MMD: variants seen among roughly 807,000 people sequenced by gnomAD.
MMD encodes monocyte to macrophage differentiation factor.
MMD carries 22 observed loss-of-function variants against 33.6 expected under a neutral mutation model. That is an observed-to-expected ratio of 0.66 (90% CI 0.47 to 0.94). MMD has a LOEUF of 0.94. Among genes scored for constraint, MMD ranks in the 40% least tolerant of loss-of-function variants. The pLI, the probability that MMD is intolerant of heterozygous loss-of-function variation, is 0.00. For synonymous variants in MMD, 97 were observed against 103.2 expected (o/e 0.94, Z 0.36); for missense variants, 242 against 309.8 (o/e 0.78, Z 1.64).
chr17:55,394,868 G>A (rs1167693943), intron 6 of MMD, among the ~76,000 whole-genome samples: 1 of 152,206 alleles, frequency 6.6e-6, no homozygotes, highest in Non-Finnish European at 1.5e-5. Flanking sequence ...GCAATCCTCT[G>A]TTCTCATCTT....
chr17:55,414,556 T>TCACACACACACA lies in MMD; in HGVS notation c.27-336_27-325dup, dbSNP rs58103743. ...TTCAACTGGAACCCTCCTCCTCCAT[T>TCACACACACACA]CACACACACACACACACACACACAC... is the stretch of plus-strand genomic sequence containing the variant. On this transcript the variant is annotated intron_variant, in intron 1 of 6. Coordinates refer to ENST00000262065, the MANE Select transcript of MMD (RefSeq NM_012329.3). 3.2e-3 allele frequency among the ~76,000 whole-genome samples: 397 copies of TCACACACACACA among 122,948 alleles called. 2 individuals carry two copies. Among genetic ancestry groups the TCACACACACACA allele is most frequent in the African/African-American group, 0.012 (366 of 31,800 alleles). The allele number at this position is 122,948 out of a possible 152,430, so 80.7% of individuals were successfully genotyped here.
Position 55,414,153 on chromosome 17 carries a change from CGTGT to C in MMD, c.102_105del (p.Ala36SerfsTer24). ...AATGGTGGAAAACTTGTACTCACTG[CGTGT>C]GTGTAACAGTTAGCAGCATGTTCAT... On this transcript the variant is annotated frameshift_variant, in exon 2 of 7. Transcript: ENST00000262065. LOFTEE classifies it high-confidence loss of function. The C allele has an allele frequency of 6.2e-7, 1 of 1,613,608 alleles. No homozygotes were observed. Among genetic ancestry groups the C allele is most frequent in the Non-Finnish European group, 8.5e-7 (1 of 1,179,614 alleles).
At chr17:55,405,967 G>T (rs1282101249) in intron 4 of MMD, among the ~76,000 whole-genome samples, 1 of 152,156 alleles carries the variant, frequency 6.6e-6, no homozygotes, top group Non-Finnish European at 1.5e-5. Flanking sequence ...GCACCAAAAA[G>T]GCAGAAAGAT....
At chr17:55,395,539 G>A (rs559249708) in intron 6 of MMD, among the ~76,000 whole-genome samples, 1 of 152,182 alleles carries the variant, frequency 6.6e-6, no homozygotes, top group Non-Finnish European at 1.5e-5. Flanking sequence ...GGGCCCCAAG[G>A]CCCTCGGCTA....
At chr17:55,407,540 G>GATATTATA (rs1907602528) in intron 4 of MMD, among the ~76,000 whole-genome samples, 1 of 151,998 alleles carries the variant, frequency 6.6e-6, no homozygotes, top group African/African-American at 2.4e-5. Context: ...ATTATAAACA[G>GATATTATA]CAGCAATATT....
At chr17:55,396,275 C>T (rs540035374) in intron 6 of MMD, among the ~76,000 whole-genome samples, 3 of 152,170 alleles carry the variant, frequency 2.0e-5, no homozygotes, top group African/African-American at 7.2e-5. Flanking sequence ...TTCATTTAAT[C>T]TTCACAACGA....
In MMD at chr17:55,414,352, G is replaced by GT. The variant is rs566304317; in HGVS notation, c.27-121dup. ...AAGAAGTGACTGGTGGAAATACCCA[G>GT]TTGCGGTAATAAAGCCAAAGCCACT... On this transcript the variant is annotated intron_variant, in intron 1 of 6. Coordinates refer to ENST00000262065, the MANE Select transcript of MMD (RefSeq NM_012329.3). 4.3e-4 allele frequency: 391 copies of GT among 908,462 alleles called. 1 individual carries two copies. The South Asian group carries it at 5.4e-3, about 13-fold the overall frequency. 56.3% of individuals were successfully genotyped at this position (908,462 alleles called of 1,614,324 possible).
intron 4 of MMD, among the ~76,000 whole-genome samples, chr17:55,407,050 C>A (rs1343669033): frequency 6.6e-6 from 1 of 151,192 alleles, no homozygotes; most frequent in Non-Finnish European, 1.5e-5. Flanking sequence ...AAAAATAGGC[C>A]GGGCACGGTG....
rs768469980 is a variant in MMD at position 55,412,444 on chromosome 17, TC to T, written c.109-1028del. The stretch of plus-strand genomic sequence containing the variant: ...TTGCTTTCTGCATCATATTTCATAG[TC>T]CACATGGTCACAAACTTTAATGTCT... On this transcript the variant is annotated intron_variant, in intron 2 of 6. Coordinates refer to ENST00000262065, the MANE Select transcript of MMD (RefSeq NM_012329.3). Among the ~76,000 whole-genome samples the T allele has an allele frequency of 4.6e-5, 7 of 152,206 alleles. 1 individual carries two copies. The East Asian group carries it at 7.7e-4, about 17-fold the overall frequency.
chr17:55,421,518 G>A, intron 1 of MMD, 152 bp downstream of exon 1: 1 of 1,099,186 alleles, frequency 9.1e-7, no homozygotes, highest in Non-Finnish European at 1.3e-6. Context: ...GGACAGCAGG[G>A]TGGGGAATCC....
At chr17:55,398,125 A>G (rs563843531) in intron 6 of MMD, among the ~76,000 whole-genome samples, 6 of 139,632 alleles carry the variant, frequency 4.3e-5, no homozygotes, top group Admixed American at 2.9e-4. Context: ...AAAAAAAAAA[A>G]AAAAGAAAAG....
chr17:55,416,416 A>T (rs964436907), intron 1 of MMD, among the ~76,000 whole-genome samples: 1 of 152,188 alleles, frequency 6.6e-6, no homozygotes, highest in African/African-American at 2.4e-5. Flanking sequence ...ATACAGAAAA[A>T]TATCCCACCC....
intron 1 of MMD, among the ~76,000 whole-genome samples, chr17:55,418,161 T>C (rs1423410003): frequency 6.6e-6 from 1 of 152,256 alleles, no homozygotes; most frequent in African/African-American, 2.4e-5. Context: ...TTCCAGACTA[T>C]CCTAACTGAA....
At chr17:55,418,585 G>A (rs1908058890) in intron 1 of MMD, among the ~76,000 whole-genome samples, 2 of 152,168 alleles carry the variant, frequency 1.3e-5, no homozygotes, top group Non-Finnish European at 2.9e-5. Flanking sequence ...ATGTTGCAAC[G>A]TATAAGTGGA....
chr17:55,395,062 G>A (rs546459677), intron 6 of MMD, among the ~76,000 whole-genome samples: 96 of 152,296 alleles, frequency 6.3e-4, no homozygotes, highest in African/African-American at 2.0e-3. Context: ...CAGGAAAACC[G>A]TAACTAGAAG....
intron 1 of MMD, chr17:55,420,235 C>G (rs72836852): frequency 1.3e-5 from 2 of 152,070 alleles, no homozygotes; most frequent in African/African-American, 4.8e-5. Flanking sequence ...AAAACCAAAT[C>G]AAACCGCATG....
At chr17:55,411,128 T>G (rs1021504020) in intron 3 of MMD, 129 bp downstream of exon 3, 3 of 1,042,270 alleles carry the variant, frequency 2.9e-6, no homozygotes, top group Non-Finnish European at 4.1e-6. Context: ...TGGGATAGTA[T>G]TCTAGTCTAC....
chr17:55,420,869 G>A (rs1006434979), intron 1 of MMD, among the ~76,000 whole-genome samples: 44 of 152,176 alleles, frequency 2.9e-4, no homozygotes, highest in African/African-American at 9.9e-4. Context: ...GAGCCCCAGA[G>A]GGGAGTAAGG....
intron 5 of MMD, among the ~76,000 whole-genome samples, chr17:55,402,087 CAA>C (rs55724383): frequency 1.5e-3 from 142 of 91,992 alleles, no homozygotes; most frequent in African/African-American, 4.2e-3. Context: ...GACTCAGTCT[CAA>C]AAAAAAAAAA....
Sources: gnomAD v4.1 joint callset for allele counts (sites outside exome capture counted in the v4.1 genomes callset) on GRCh38, gnomAD v4.1.1 for gene constraint, MANE v1.5 for transcripts, NCBI Gene and HGNC (gene_info 2026-07-23, HGNC 2026-07-21) for gene names.